The following WDPCP variants were observed in gnomAD, a reference collection of about 807,000 sequenced individuals.
WDPCP encodes WD repeat-containing and planar cell polarity effector protein fritz homolog.
WDPCP carries 71 observed loss-of-function variants against 93.1 expected under a neutral mutation model. The ratio of observed to expected loss-of-function variants is 0.76; its 90% CI spans 0.63 to 0.93. The LOEUF (loss-of-function observed/expected upper bound fraction) is 0.93. WDPCP is among the 40% of genes least tolerant of loss of function. The probability of loss-of-function intolerance (pLI) is 0.00; values close to 1 mark genes in which losing one functional copy is unlikely to be tolerated. For missense variants in WDPCP, 844 were observed against 887.4 expected, an observed-to-expected ratio of 0.95 and a Z score of 0.62; for synonymous variants, 315 against 315.0, an observed-to-expected ratio of 1.00 and a Z score of 0.00.
chr2:63,498,731 TG>T (rs1701374145), intron 1 of WDPCP, among the ~76,000 whole-genome samples: 1 of 152,156 alleles, frequency 6.6e-6, no homozygotes, highest in African/African-American at 2.4e-5. Flanking sequence ...TTGGTAGCCA[TG>T]GGAAGGACAG....
intron 14 of WDPCP, among the ~76,000 whole-genome samples, chr2:63,177,025 A>G (rs1341064582): frequency 1.3e-5 from 2 of 152,182 alleles, no homozygotes; most frequent in African/African-American, 4.8e-5. Context: ...TTCCTTTTGC[A>G]TTGAATGGTG....
chr2:63,589,984 A>G (rs998835744), upstream of WDPCP: 1 of 154,098 alleles, frequency 6.5e-6, no homozygotes, highest in African/African-American at 2.4e-5. Context: ...GTTTGAATGA[A>G]TTGGAAATTT....
intron 1 of WDPCP, among the ~76,000 whole-genome samples, chr2:63,516,133 C>T (rs1490651109): frequency 2.0e-5 from 3 of 151,984 alleles, no homozygotes; most frequent in African/African-American, 2.4e-5. Context: ...TTCCAAAGCC[C>T]ATCATTTTGT....
intron 15 of WDPCP, among the ~76,000 whole-genome samples, chr2:63,172,056 T>C (rs1370381504): frequency 1.3e-5 from 2 of 152,194 alleles, no homozygotes; most frequent in African/African-American, 4.8e-5. Flanking sequence ...GAGTGGAAAT[T>C]GGGCATAAGG....
At chr2:63,211,549 G>A (rs2104411432) in intron 14 of WDPCP, among the ~76,000 whole-genome samples, 1 of 152,302 alleles carries the variant, frequency 6.6e-6, no homozygotes, top group Non-Finnish European at 1.5e-5. Context: ...AAAAATCAGA[G>A]TGCCTCTTCT....
chr2:63,623,037 A>G (rs1170104804), intron 3 of WDPCP, among the ~76,000 whole-genome samples: 1 of 152,250 alleles, frequency 6.6e-6, no homozygotes, highest in Admixed American at 6.5e-5. Flanking sequence ...CCCGCTCAAC[A>G]TTCTTAAAGA....
At chr2:63,706,722 T>C (rs1669160806) in intron 2 of WDPCP, among the ~76,000 whole-genome samples, 1 of 145,262 alleles carries the variant, frequency 6.9e-6, no homozygotes, top group Non-Finnish European at 1.5e-5. Flanking sequence ...GTTCACGCCA[T>C]TCTCCTGCCT....
intron 1 of WDPCP, among the ~76,000 whole-genome samples, chr2:63,819,504 T>C (rs1670988169): frequency 6.6e-6 from 1 of 152,194 alleles, no homozygotes; most frequent in Non-Finnish European, 1.5e-5. Context: ...TTCTCAAACA[T>C]GAGTGTTTAT....
At chr2:63,129,182 G>A (rs776001679) in intron 17 of WDPCP, among the ~76,000 whole-genome samples, 4 of 152,138 alleles carry the variant, frequency 2.6e-5, no homozygotes, top group Non-Finnish European at 4.4e-5. Flanking sequence ...TAATCTGTCA[G>A]TGGCCATTTT....
Position 63,174,780 on chromosome 2 carries a change from G to C in WDPCP, c.1968C>G (p.Gly656=), listed in dbSNP as rs746538391. 6.2e-7 allele frequency: 1 copy of C among 1,613,964 alleles called. No homozygotes were observed. The highest frequency in any genetic ancestry group is 8.5e-7 in the Non-Finnish European group (1 of 1,179,908). ...RGDMLNEAFI[G]LSLAPQGEDS... is the part of the protein sequence containing the mutation. Reference sequence around the variant, plus strand: ...CTTCTCCTTGAGGTGCTAAAGACAGGCCAATAAATGCTTCATTTAGCATAT... The same window carrying C: ...CTTCTCCTTGAGGTGCTAAAGACAGCCCAATAAATGCTTCATTTAGCATAT... The change falls in exon 15 of 18, where the codon GGC becomes GGG. Residue 656 remains glycine (G), a synonymous_variant. Coordinates refer to ENST00000272321, the MANE Select transcript of WDPCP (RefSeq NM_015910.7).
chr2:63,198,139 C>T (rs1287310710), intron 14 of WDPCP, among the ~76,000 whole-genome samples: 1 of 152,074 alleles, frequency 6.6e-6, no homozygotes, highest in Non-Finnish European at 1.5e-5. Context: ...GGAGTGAATC[C>T]AATTTTATCA....
At chr2:63,599,176 G>A (rs141563325) in intron 3 of WDPCP, 1 of 1,613,432 alleles carries the variant, frequency 6.2e-7, no homozygotes, top group African/African-American at 1.3e-5. Flanking sequence ...CTAGGTTATT[G>A]TTGTGGGTAA....
intron 2 of WDPCP, among the ~76,000 whole-genome samples, chr2:63,719,420 C>T (rs1008639758): frequency 6.6e-6 from 1 of 152,152 alleles, no homozygotes; most frequent in Non-Finnish European, 1.5e-5. Context: ...CCAACAAAAC[C>T]TAGCTGAAAA....
At chr2:63,504,467 G>A (rs979151353) in intron 1 of WDPCP, among the ~76,000 whole-genome samples, 8 of 151,920 alleles carry the variant, frequency 5.3e-5, no homozygotes, top group Non-Finnish European at 7.4e-5. Context: ...TCAACTCTGA[G>A]AGACCCTAAA....
chr2:63,584,375 T>C (rs1415303862), intron 1 of WDPCP, among the ~76,000 whole-genome samples: 1 of 152,186 alleles, frequency 6.6e-6, no homozygotes, highest in Non-Finnish European at 1.5e-5. Flanking sequence ...TTTTAATTTT[T>C]ATAAAAATTA....
chr2:63,434,232 T>C (rs1245079783), intron 8 of WDPCP, among the ~76,000 whole-genome samples: 1 of 151,520 alleles, frequency 6.6e-6, no homozygotes, highest in Non-Finnish European at 1.5e-5. Context: ...CATGGTTGCC[T>C]GACAGCATCG....
intron 14 of WDPCP, among the ~76,000 whole-genome samples, chr2:63,210,916 C>T (rs1168329527): frequency 4.6e-5 from 7 of 152,190 alleles, no homozygotes; most frequent in African/African-American, 1.7e-4. Context: ...GGAGGGACAC[C>T]CGCCATTGCT....
intron 17 of WDPCP, among the ~76,000 whole-genome samples, chr2:63,136,758 G>A (rs907545469): frequency 2.6e-5 from 4 of 152,026 alleles, no homozygotes; most frequent in Non-Finnish European, 4.4e-5. Context: ...TTCCCTCTAT[G>A]TGTCCATGTG....
Position 63,729,424 on chromosome 2 carries a change from GT to G in WDPCP, n.309-78587del, listed in dbSNP as rs1371207724. Among the ~76,000 whole-genome samples, 4 of 152,250 alleles carry G rather than the reference GT, an allele frequency of 2.6e-5. No individual in the cohort carries two copies. The East Asian group carries it at 7.7e-4, about 29-fold the overall frequency. ...AAATAAATGAATAACAGAATAGGTG[GT>G]GGTGGGGGTTGCAGATTCAGTTTGT... On this transcript the variant is annotated intron_variant and non_coding_transcript_variant, in intron 2 of 4. Transcript: ENST00000467687.
Sources: allele counts gnomAD v4.1 joint callset (sites outside exome capture counted in the v4.1 genomes callset), GRCh38; gene constraint gnomAD v4.1.1; transcripts MANE v1.5; gene names NCBI Gene and HGNC (gene_info 2026-07-23, HGNC 2026-07-21).